Variants in MLLT10 observed in about 807,000 individuals in gnomAD.
MLLT10 encodes MLLT10 histone lysine methyltransferase DOT1L cofactor.
Under a neutral mutation model 129.1 loss-of-function variants are expected in MLLT10, and 30 were observed. The ratio of observed to expected loss-of-function variants is 0.23; its 90% CI spans 0.17 to 0.32. The LOEUF (loss-of-function observed/expected upper bound fraction) is 0.32. MLLT10 is among the 10% of genes least tolerant of loss of function. MLLT10 has a pLI of 1.00. For missense variants in MLLT10, 1,119 were observed against 1,268.3 expected (o/e 0.88, Z 1.79); for synonymous variants, 490 against 446.4 (o/e 1.10, Z -1.23).
intron 5 of MLLT10, among the ~76,000 whole-genome samples, chr10:21,599,906 T>G (rs2043361140): frequency 6.6e-6 from 1 of 152,126 alleles, no homozygotes; most frequent in Non-Finnish European, 1.5e-5. Flanking sequence ...ATAGTTCAAG[T>G]AGAAAAGGAG....
At chr10:21,630,892 G>C (rs1005907944) in intron 8 of MLLT10, among the ~76,000 whole-genome samples, 1 of 152,200 alleles carries the variant, frequency 6.6e-6, no homozygotes, top group Non-Finnish European at 1.5e-5. Context: ...TTTGAGGACT[G>C]TGCGAGTTGT....
At chr10:21,629,296 T>C (rs2046782274) in intron 8 of MLLT10, among the ~76,000 whole-genome samples, 1 of 151,954 alleles carries the variant, frequency 6.6e-6, no homozygotes, top group Non-Finnish European at 1.5e-5. Flanking sequence ...AATTTATTTG[T>C]CTTTTTATTT....
At chr10:21,627,783 C>CT (rs949349860) in intron 8 of MLLT10, among the ~76,000 whole-genome samples, 195 of 151,320 alleles carry the variant, frequency 1.3e-3, no homozygotes, top group African/African-American at 2.3e-3. Flanking sequence ...AGTCTTGGCT[C>CT]TTTTTTTTTG....
rs2033337960 is a variant in MLLT10 at position 21,534,236 on chromosome 10, A to C, written c.-285A>C. The C allele has an allele frequency of 2.5e-6, 1 of 393,460 alleles. No individual in the cohort carries two copies. Among genetic ancestry groups the C allele is most frequent in the Non-Finnish European group, 4.5e-6 (1 of 224,154 alleles). The allele number at this position is 393,460 out of a possible 1,614,324, so 24.4% of individuals were successfully genotyped here. A position where few individuals can be genotyped will look rare whatever the true frequency, so the allele number is the denominator to read the frequency against. On this transcript the variant is annotated 5_prime_UTR_variant, in exon 1 of 23. Transcript: ENST00000307729. Reference sequence around the variant, plus strand: ...CACGCCGGCCGCAGGACGGGCGCGCACGCCAAGTGACGCTCCGAGGAGGAA... The same window carrying C: ...CACGCCGGCCGCAGGACGGGCGCGCCCGCCAAGTGACGCTCCGAGGAGGAA...
Position 21,733,751 on chromosome 10 carries a change from C to T in MLLT10, c.2497-17C>T, listed in dbSNP as rs1487124578. 6.3e-7 allele frequency: 1 copy of T among 1,588,152 alleles called. No homozygotes were observed. The highest frequency in any genetic ancestry group is 8.6e-7 in the Non-Finnish European group (1 of 1,167,900). Reference sequence around the variant, plus strand: ...TTAATGTCCAGTGGACTTAGTTTCTCTTCTTTCTTACGCTAGGACTTAACC... The same window carrying T: ...TTAATGTCCAGTGGACTTAGTTTCTTTTCTTTCTTACGCTAGGACTTAACC... On this transcript the variant is annotated splice_polypyrimidine_tract_variant and intron_variant, in intron 19 of 22. Transcript: ENST00000307729.
chr10:21,586,471 G>A, intron 4 of MLLT10, 123 bp downstream of exon 4: 1 of 794,524 alleles, frequency 1.3e-6, no homozygotes, highest in Non-Finnish European at 2.1e-6. Context: ...ATTTTTAACA[G>A]TGGTGGCTAT....
At chr10:21,568,771 C>T (rs186339983) in intron 3 of MLLT10, among the ~76,000 whole-genome samples, 158 of 152,154 alleles carry the variant, frequency 1.0e-3, no homozygotes, top group African/African-American at 3.6e-3. Flanking sequence ...TGAGTAGCTG[C>T]GGTTACAGGA....
chr10:21,587,423 CAA>C (rs35976402), intron 4 of MLLT10, among the ~76,000 whole-genome samples: 4 of 42,326 alleles, frequency 9.5e-5, no homozygotes, highest in Non-Finnish European at 1.9e-4. Context: ...GACCCTGCCT[CAA>C]AAAAAAAAAA....
At chr10:21,535,629 C>A (rs564615217) in intron 2 of MLLT10, among the ~76,000 whole-genome samples, 1 of 152,288 alleles carries the variant, frequency 6.6e-6, no homozygotes, top group Admixed American at 6.5e-5. Context: ...ACTTTTCTGG[C>A]CTTTGAAGTG....
At chr10:21,629,834 G>C (rs1243183) in intron 8 of MLLT10, among the ~76,000 whole-genome samples, 2 of 152,168 alleles carry the variant, frequency 1.3e-5, no homozygotes, top group African/African-American at 4.8e-5. Flanking sequence ...TGCTGGGCTT[G>C]CGTGTATAGT....
Position 21,742,379 on chromosome 10 carries a change from T to C in MLLT10, c.*396T>C, listed in dbSNP as rs561184233. On this transcript the variant is annotated 3_prime_UTR_variant, in exon 23 of 23. Transcript: ENST00000307729. Reference sequence around the variant, plus strand: ...TCCATTTACAAACTACTTGATTTTATTGTACAAGTTGAAATATGCTCTTTT... The same window carrying C: ...TCCATTTACAAACTACTTGATTTTACTGTACAAGTTGAAATATGCTCTTTT... The C allele has an allele frequency of 9.8e-5, 23 of 234,908 alleles. No individual in the cohort carries two copies. Among genetic ancestry groups the C allele is most frequent in the African/African-American group, 5.1e-4 (23 of 45,358 alleles). 14.6% of individuals were successfully genotyped at this position (234,908 alleles called of 1,614,324 possible). A position where few individuals can be genotyped will look rare whatever the true frequency, so the allele number is the denominator to read the frequency against.
chr10:21,700,142 G>T, intron 13 of MLLT10, among the ~76,000 whole-genome samples: 1 of 148,970 alleles, frequency 6.7e-6, no homozygotes, highest in Admixed American at 6.7e-5. Context: ...ATAGTAAACA[G>T]GACTGCTGCC....
At chr10:21,620,844 C>T (rs2045743292) in intron 8 of MLLT10, among the ~76,000 whole-genome samples, 1 of 152,002 alleles carries the variant, frequency 6.6e-6, no homozygotes, top group Admixed American at 6.6e-5. Flanking sequence ...GCACCTGCCA[C>T]CACGCCTGGC....
chr10:21,721,601 A>G (rs1389644955), intron 14 of MLLT10, among the ~76,000 whole-genome samples: 1 of 152,144 alleles, frequency 6.6e-6, no homozygotes, highest in Non-Finnish European at 1.5e-5. Flanking sequence ...AACAGGAGAA[A>G]TTATAAGCTG....
intron 4 of MLLT10, among the ~76,000 whole-genome samples, chr10:21,587,927 C>G (rs1166305260): frequency 3.3e-5 from 5 of 152,132 alleles, no homozygotes; most frequent in Non-Finnish European, 7.3e-5. Context: ...TTCTAGGTTT[C>G]TTTTGCATAT....
At chr10:21,699,244 T>TG (rs1316198256) in intron 13 of MLLT10, among the ~76,000 whole-genome samples, 3 of 152,062 alleles carry the variant, frequency 2.0e-5, no homozygotes, top group Non-Finnish European at 4.4e-5. Flanking sequence ...TCTTTTTTTT[T>TG]TTTTTTTAAT....
chr10:21,603,288 A>T (rs2043741872), intron 5 of MLLT10, among the ~76,000 whole-genome samples: 1 of 150,722 alleles, frequency 6.6e-6, no homozygotes, highest in African/African-American at 2.4e-5. Context: ...GCTGGTCTCA[A>T]ATTCCTGATA....
chr10:21,677,099 T>C (rs977474069), intron 11 of MLLT10, among the ~76,000 whole-genome samples: 2 of 152,200 alleles, frequency 1.3e-5, no homozygotes, highest in Non-Finnish European at 1.5e-5. Context: ...GATGGAGATA[T>C]GCATTTTCCC....
At chr10:21,539,476 A>G (rs1169338520) in intron 3 of MLLT10, among the ~76,000 whole-genome samples, 3 of 141,868 alleles carry the variant, frequency 2.1e-5, no homozygotes, top group Non-Finnish European at 4.5e-5. Flanking sequence ...TAAACCTCTT[A>G]TAAGAATGAA....
Sources: allele counts gnomAD v4.1 joint callset (sites outside exome capture counted in the v4.1 genomes callset), GRCh38; gene constraint gnomAD v4.1.1; transcripts MANE v1.5; gene names NCBI Gene and HGNC (gene_info 2026-07-23, HGNC 2026-07-21).